The following DNM1 variants were observed in gnomAD, a reference collection of about 807,000 sequenced individuals.
DNM1 encodes the protein dynamin-1.
A neutral mutation model predicts 104.6 loss-of-function variants in DNM1; 29 were observed. That is an observed-to-expected ratio of 0.28 (90% CI 0.21 to 0.38). DNM1 has a LOEUF of 0.38. DNM1 is among the 10% of genes least tolerant of loss of function. DNM1 has a pLI of 1.00. For missense variants in DNM1, 640 were observed against 1,189.4 expected, an observed-to-expected ratio of 0.54 and a Z score of 6.79; for synonymous variants, 445 against 475.8, an observed-to-expected ratio of 0.94 and a Z score of 0.84.
Position 128,224,304 on chromosome 9 carries a change from T to C in DNM1, c.1250T>C (p.Val417Ala). 6.2e-7 allele frequency: 1 copy of C among 1,613,938 alleles called. No homozygotes were observed. Among genetic ancestry groups the C allele is most frequent in the Admixed American group, 1.7e-5 (1 of 60,006 alleles). The change falls in exon 10 of 22, where the codon GTG (valine) becomes GCG (alanine). Residue 417 changes from valine to alanine, a missense_variant. Around this residue, in one of 7 missense-constraint regions of DNM1, gnomAD observed 92 missense variants for 124.4 expected, o/e 0.74. Transcript: ENST00000372923. This position sits in a 1 kb window ranked among gnomAD's most constrained non-coding sequence, Gnocchi z 4.3. ...MAFETIVKKQ[V>A]KKIREPCLKC... ...TTTGAGACCATTGTGAAAAAGCAGG[T>C]GAAGAAGATCCGAGAACCGTGTCTC...
chr9:128,229,254 G>A (rs1835523247), intron 10 of DNM1, among the ~76,000 whole-genome samples: 1 of 150,866 alleles, frequency 6.6e-6, no homozygotes, highest in African/African-American at 2.4e-5. Flanking sequence ...AATTAGCCAG[G>A]CGTGGCAGTA....
At position 128,254,543 on chromosome 9, in the gene DNM1, T is replaced by G; in HGVS notation, c.2535-111T>G. The stretch of plus-strand genomic sequence containing the variant: ...ACCTGCAGCCTCCCCTCCCCGGCCC[T>G]CCCACCACTGCTGCGGCGCGGCCGG... On this transcript the variant is annotated intron_variant, in intron 21 of 21. Transcript: ENST00000372923. This position sits in a 1 kb window ranked among gnomAD's most constrained non-coding sequence, Gnocchi z 6.1. 47 of 1,392,150 alleles carry G rather than the reference T, an allele frequency of 3.4e-5. No individual in the cohort carries two copies. Among genetic ancestry groups the G allele is most frequent in the East Asian group, 1.8e-4 (5 of 27,392 alleles). The allele number at this position is 1,392,150 out of a possible 1,614,324, so 86.2% of individuals were successfully genotyped here. A position where few individuals can be genotyped will look rare whatever the true frequency, so the allele number is the denominator to read the frequency against.
intron 1 of DNM1, among the ~76,000 whole-genome samples, chr9:128,205,604 GCCTCC>G (rs1362194416): frequency 6.6e-6 from 1 of 152,186 alleles, no homozygotes; most frequent in African/African-American, 2.4e-5. Context: ...GGGTGGGTGG[GCCTCC>G]ATTTCCCCAT....
intron 10 of DNM1, among the ~76,000 whole-genome samples, chr9:128,227,202 TG>T (rs1835397292): frequency 6.6e-6 from 1 of 150,632 alleles, no homozygotes; most frequent in Admixed American, 6.6e-5. Flanking sequence ...TTAGTAGAGA[TG>T]GGGTTTTGCC....
rs373253077 is a variant in DNM1, at chr9:128,220,885, TTTTCTTTCTTTCTTTCTTTCTTTCTTTC to T, written c.849+568_849+595del. Among the ~76,000 whole-genome samples, 2 of 117,526 alleles carry T rather than the reference TTTTCTTTCTTTCTTTCTTTCTTTCTTTC, an allele frequency of 1.7e-5. No homozygotes were observed. The highest frequency in any genetic ancestry group is 3.5e-5 in the Non-Finnish European group (2 of 56,702). The allele number at this position is 117,526 out of a possible 152,430, so 77.1% of individuals were successfully genotyped here. On this transcript the variant is annotated intron_variant, in intron 6 of 21. Transcript: ENST00000372923. This position sits in a 1 kb window ranked among gnomAD's most constrained non-coding sequence, Gnocchi z 5.2. ...CCTCTATTTCTTTTTTCTTTATTTGTTTTCTTTCTTTCTTTCTTTCTTTCTTTCTTTCTTTCTTTCTTTCTTTCTTTTC... is the reference window on the plus strand; with the variant it reads ...CCTCTATTTCTTTTTTCTTTATTTGTTTTCTTTCTTTCTTTCTTTCTTTTC...
At chr9:128,225,368 G>T (rs777287296) in intron 10 of DNM1, among the ~76,000 whole-genome samples, 17 of 152,170 alleles carry the variant, frequency 1.1e-4, no homozygotes, top group Non-Finnish European at 1.6e-4. Flanking sequence ...CGGGACTAGA[G>T]CAGGGAGCTG....
At chr9:128,214,967 G>C (rs1834519008) in intron 1 of DNM1, among the ~76,000 whole-genome samples, 1 of 152,212 alleles carries the variant, frequency 6.6e-6, no homozygotes, top group Non-Finnish European at 1.5e-5. Flanking sequence ...GGCTAAAGTG[G>C]GACAGTGTGT....
intron 15 of DNM1, chr9:128,244,864 G>C (rs758327834): frequency 3.9e-6 from 2 of 509,016 alleles, no homozygotes; most frequent in East Asian, 5.6e-5. Context: ...CCATCCGGTG[G>C]GCGCTTCAGC....
intron 19 of DNM1, among the ~76,000 whole-genome samples, chr9:128,249,577 A>AC (rs1236675429): frequency 1.3e-5 from 2 of 150,984 alleles, no homozygotes; most frequent in Non-Finnish European, 2.9e-5. Flanking sequence ...AATTGCTTGA[A>AC]CCCGGGAGGC....
At chr9:128,244,893 G>A (rs1836665330) in intron 15 of DNM1, 4 of 447,686 alleles carry the variant, frequency 8.9e-6, no homozygotes, top group South Asian at 4.9e-5. Flanking sequence ...CTGGAGATCC[G>A]AGAACCCCCC....
chr9:128,252,728 A>G, intron 21 of DNM1: 1 of 530,880 alleles, frequency 1.9e-6, no homozygotes, highest in South Asian at 1.5e-5. Flanking sequence ...TATCTCCATG[A>G]GCAGCACGGG....
chr9:128,205,254 G>T (rs185611309), intron 1 of DNM1, among the ~76,000 whole-genome samples: 1 of 152,098 alleles, frequency 6.6e-6, no homozygotes, highest in Admixed American at 6.6e-5. Flanking sequence ...CCTACCTCTC[G>T]TCCTTTGAAT....
At chr9:128,244,715 G>A (rs1156794483) in intron 15 of DNM1, 1 of 530,288 alleles carries the variant, frequency 1.9e-6, no homozygotes, top group Non-Finnish European at 3.9e-6. Flanking sequence ...TCCAGTGGCG[G>A]CGGTGCCGAG....
At chr9:128,212,701 T>C (rs1272550720) in intron 1 of DNM1, among the ~76,000 whole-genome samples, 3 of 152,212 alleles carry the variant, frequency 2.0e-5, no homozygotes, top group Admixed American at 6.5e-5. Flanking sequence ...ATGGAGAAAC[T>C]GATCACTCTG....
chr9:128,245,815 C>T lies in DNM1; in HGVS notation c.1672-579C>T, dbSNP rs569733203. ...ACCTCCCCAGATACACATGTGCACACACACACAATAGCTGATAGGATATGT... is the reference window on the plus strand; with the variant it reads ...ACCTCCCCAGATACACATGTGCACATACACACAATAGCTGATAGGATATGT... On this transcript the variant is annotated intron_variant, in intron 15 of 21. Coordinates refer to ENST00000372923, the MANE Select transcript of DNM1 (RefSeq NM_004408.4). The surrounding 1 kb of genome is among the most constrained non-coding windows in gnomAD (Gnocchi z 5.2). Among the ~76,000 whole-genome samples the T allele has an allele frequency of 1.5e-4, 23 of 152,352 alleles. No homozygotes were observed. The highest frequency in any genetic ancestry group is 5.3e-4 in the African/African-American group (22 of 41,584).
chr9:128,226,963 T>A (rs372787326), intron 10 of DNM1, among the ~76,000 whole-genome samples: 8 of 150,104 alleles, frequency 5.3e-5, no homozygotes, highest in African/African-American at 1.7e-4. Context: ...TGGAGGCACA[T>A]CCACCTTAGC....
At chr9:128,228,939 C>T (rs1410438896) in intron 10 of DNM1, among the ~76,000 whole-genome samples, 1 of 151,544 alleles carries the variant, frequency 6.6e-6, no homozygotes, top group Non-Finnish European at 1.5e-5. Flanking sequence ...ACCAAGATCA[C>T]ACCACTGCAC....
Position 128,220,686 on chromosome 9 carries a change from C to T in DNM1, c.849+345C>T, listed in dbSNP as rs1454126085. Among the ~76,000 whole-genome samples, 2 of 148,330 alleles carry T rather than the reference C, an allele frequency of 1.3e-5. No homozygotes were observed. Among genetic ancestry groups the T allele is most frequent in the East Asian group, 2.1e-4 (1 of 4,682 alleles). On this transcript the variant is annotated intron_variant, in intron 6 of 21. Transcript: ENST00000372923. The surrounding 1 kb of genome is among the most constrained non-coding windows in gnomAD (Gnocchi z 5.2). The stretch of plus-strand genomic sequence containing the variant: ...TGACAGGGAATCCCAGGGGCTTCCC[C>T]AGGACTTTTCTCCATCTGGAATGGG...
intron 1 of DNM1, among the ~76,000 whole-genome samples, chr9:128,206,608 A>C (rs1833986651): frequency 6.6e-6 from 1 of 152,050 alleles, no homozygotes; most frequent in South Asian, 2.1e-4. Context: ...GAACCAAGGG[A>C]TGAGAAGCTG....
Sources: allele counts gnomAD v4.1 joint callset (sites outside exome capture counted in the v4.1 genomes callset), GRCh38; gene constraint gnomAD v4.1.1; regional missense constraint gnomAD v4.1.1; non-coding constraint Gnocchi (gnomAD v3.1); transcripts MANE v1.5; gene names NCBI Gene and HGNC (gene_info 2026-07-23, HGNC 2026-07-21).